Variants in FLNC observed in about 807,000 individuals in gnomAD.
FLNC encodes the protein filamin C, also known as filamin-C.
Under a neutral mutation model 254.3 loss-of-function variants are expected in FLNC, and 91 were observed. The observed-to-expected ratio is 0.36, with a 90% CI of 0.30 to 0.43. The LOEUF (loss-of-function observed/expected upper bound fraction) is 0.43, where lower values mean the gene tolerates loss of function less well. FLNC is among the 20% of genes least tolerant of loss of function. The pLI is 1.00. For synonymous variants in FLNC, 1,430 were observed against 1,577.2 expected (o/e 0.91, Z 2.21); for missense variants, 2,853 against 3,802.6 (o/e 0.75, Z 6.57).
intron 18 of FLNC, 77 bp from the exon 19 acceptor site, chr7:128,843,719 C>T: frequency 2.7e-6 from 4 of 1,506,906 alleles, no homozygotes; most frequent in Non-Finnish European, 3.7e-6. Flanking sequence ...ATCTGAGCTT[C>T]AGAGCCCATA....
chr7:128,831,796 G>T (rs969738750), intron 1 of FLNC, among the ~76,000 whole-genome samples: 1 of 151,850 alleles, frequency 6.6e-6, no homozygotes, highest in Non-Finnish European at 1.5e-5. Context: ...TTTGGAAGGT[G>T]TGTAGTGCAG....
Position 128,849,491 on chromosome 7 carries a change from C to T in FLNC, c.5112C>T (p.Ile1704=). Residue 1704 remains isoleucine, a synonymous_variant, in exon 30 of 48, where the codon ATC becomes ATT. Coordinates refer to ENST00000325888, the MANE Select transcript of FLNC (RefSeq NM_001458.5). ...AGAACCATGACGGTACCTTTGACAT[C>T]TACTACACAGCGCCCGAGCCGGGCA... ...VVENHDGTFD[I]YYTAPEPGKY... The T allele has an allele frequency of 1.2e-6, 2 of 1,614,224 alleles. No homozygotes were observed.
chr7:128,850,089 AC>A lies in FLNC; in HGVS notation c.5298+17del. Reference sequence around the variant, plus strand: ...CCACACACTGGGTACTGCGCCTCCCACCAGGCGATGTCCTCCTCCTCCTCCC... The same window carrying A: ...CCACACACTGGGTACTGCGCCTCCCACAGGCGATGTCCTCCTCCTCCTCCC... On this transcript the variant is annotated intron_variant, in intron 31 of 47. Coordinates refer to ENST00000325888, the MANE Select transcript of FLNC (RefSeq NM_001458.5). 6.6e-7 allele frequency: 1 copy of A among 1,508,506 alleles called. No homozygotes were observed. Among genetic ancestry groups the A allele is most frequent in the Non-Finnish European group, 8.9e-7 (1 of 1,120,170 alleles). 93.4% of individuals were successfully genotyped at this position (1,508,506 alleles called of 1,614,324 possible).
At chr7:128,845,698 C>T (rs1389209656) in intron 21 of FLNC, among the ~76,000 whole-genome samples, 1 of 151,972 alleles carries the variant, frequency 6.6e-6, no homozygotes. Flanking sequence ...GACCCAGGCC[C>T]ACAGCCTGGT....
chr7:128,831,083 G>C, intron 1 of FLNC, 94 bp downstream of exon 1: 2 of 1,222,838 alleles, frequency 1.6e-6, no homozygotes, highest in Non-Finnish European at 1.1e-6. Context: ...GGGGAGCTGA[G>C]AGACAGGGCG....
chr7:128,855,095 G>A (rs942995334), intron 42 of FLNC, 104 bp from the exon 43 acceptor site: 45 of 1,075,706 alleles, frequency 4.2e-5, no homozygotes, highest in Non-Finnish European at 6.0e-5. Flanking sequence ...CTCCAGATCT[G>A]AGCGCTGACC....
rs962050311 is a variant in FLNC at position 128,843,259 on chromosome 7, G to A, written c.2581G>A (p.Val861Met). Reference protein sequence around the residue: ...EIPASPFHIKVDPSHDASKVK... With the variant: ...EIPASPFHIKMDPSHDASKVK... The stretch of plus-strand genomic sequence containing the variant: ...CCCCGCCAGCCCCTTCCACATCAAG[G>A]TGGACCCATCCCACGATGCCAGCAA... Residue 861 changes from valine to methionine, a missense_variant, in exon 17 of 48, where the codon GTG becomes ATG. Coordinates refer to ENST00000325888, the MANE Select transcript of FLNC (RefSeq NM_001458.5). 2 of 1,609,472 alleles carry A rather than the reference G, an allele frequency of 1.2e-6. No individual in the cohort carries two copies. Among genetic ancestry groups the A allele is most frequent in the African/African-American group, 1.3e-5 (1 of 74,850 alleles).
chr7:128,855,063 A>G (rs1056034983), intron 42 of FLNC, 136 bp from the exon 43 acceptor site: 2 of 1,042,088 alleles, frequency 1.9e-6, no homozygotes, highest in South Asian at 2.5e-5. Flanking sequence ...TCTACCCCAC[A>G]CCCTCAGAAA....
Position 128,838,798 on chromosome 7 carries a change from C to G in FLNC, c.1406C>G (p.Ser469Trp). The change falls in exon 8 of 48, where the codon TCG becomes TGG. Residue 469 changes from serine (S) to tryptophan (W), a missense_variant. Ser to Trp is a radical substitution (Grantham distance 177, BLOSUM62 -3). Transcript: ENST00000325888. The stretch of plus-strand genomic sequence containing the variant: ...CGCAGTCCCTTCCCTGTCCATGTGT[C>G]GGAAGGTAAGGGCCCTTCACTGCTC... ...ITRSPFPVHV[S>W]EACNPNACRA... 1 of 1,612,548 alleles carries G rather than the reference C, an allele frequency of 6.2e-7. No homozygotes were observed. The highest frequency in any genetic ancestry group is 8.5e-7 in the Non-Finnish European group (1 of 1,179,730).
Position 128,847,929 on chromosome 7 carries a change from T to C in FLNC, c.4457-16T>C. On this transcript the variant is annotated splice_polypyrimidine_tract_variant and intron_variant, in intron 25 of 47. Transcript: ENST00000325888. ...GGACGCCCGGAGGCTCTGCTGACCC[T>C]GTGCCCCTTGCCCAGGTGTGGCCGA... 6.2e-7 allele frequency: 1 copy of C among 1,613,734 alleles called. No individual in the cohort carries two copies. Among genetic ancestry groups the C allele is most frequent in the Non-Finnish European group, 8.5e-7 (1 of 1,179,822 alleles).
In FLNC at chr7:128,841,369, G is replaced by A. The variant is rs757293841; in HGVS notation, c.2007+6G>A. 2 of 1,613,882 alleles carry A rather than the reference G, an allele frequency of 1.2e-6. No homozygotes were observed. Among genetic ancestry groups the A allele is most frequent in the Non-Finnish European group, 1.7e-6 (2 of 1,179,928 alleles). On this transcript the variant is annotated splice_donor_region_variant and intron_variant, in intron 12 of 47. Transcript: ENST00000325888. This position sits in a 1 kb window ranked among gnomAD's most constrained non-coding sequence, Gnocchi z 4.3. ...CTGACTGCTTCCCAGATAAGGTGTG[G>A]TCCCAGCTCACACACACCTGCCCCG...
chr7:128,833,597 C>T (rs1031919719), intron 1 of FLNC, among the ~76,000 whole-genome samples: 15 of 148,168 alleles, frequency 1.0e-4, no homozygotes, highest in African/African-American at 3.6e-4. Context: ...ATATGAATGA[C>T]CACCCTCCCC....
chr7:128,851,649 T>C (rs1194488611), intron 35 of FLNC, 21 bp downstream of exon 35: 2 of 1,611,714 alleles, frequency 1.2e-6, no homozygotes, highest in African/African-American at 2.7e-5. Flanking sequence ...TGTATGGGCA[T>C]GTACAGCCCA....
Position 128,842,565 on chromosome 7 carries a change from C to T in FLNC, c.2266-10C>T. On this transcript the variant is annotated splice_polypyrimidine_tract_variant and intron_variant, in intron 14 of 47. Transcript: ENST00000325888. The surrounding 1 kb of genome is among the most constrained non-coding windows in gnomAD (Gnocchi z 5.4). ...GAGGGCACCACGCTGAGCTGCGACC[C>T]CTCCCGCAGGTGAACGTGGGCGAGG... 6.5e-7 allele frequency: 1 copy of T among 1,548,810 alleles called. No individual in the cohort carries two copies. Among genetic ancestry groups the T allele is most frequent in the Non-Finnish European group, 8.7e-7 (1 of 1,146,718 alleles).
In FLNC at chr7:128,857,793, G is replaced by A. The variant is rs560668842; in HGVS notation, c.7781-215G>A. Among the ~76,000 whole-genome samples, 2 of 152,292 alleles carry A rather than the reference G, an allele frequency of 1.3e-5. No individual in the cohort carries two copies. The highest frequency in any genetic ancestry group is 2.1e-4 in the South Asian group (1 of 4,830). ...GAGGGACGCAGCATCTGAGGCCCCA[G>A]CCCTAGGGTGGAGCACCAGTTGGAG... On this transcript the variant is annotated intron_variant, in intron 46 of 47. Coordinates refer to ENST00000325888, the MANE Select transcript of FLNC (RefSeq NM_001458.5). This position sits in a 1 kb window ranked among gnomAD's most constrained non-coding sequence, Gnocchi z 4.5.
chr7:128,842,599 C>G lies in FLNC; in HGVS notation c.2290C>G (p.Pro764Ala). The change falls in exon 15 of 48, where the codon CCC becomes GCC. Residue 764 changes from proline (P) to alanine (A), a missense_variant. By Grantham distance (27) the Pro-to-Ala change is conservative (BLOSUM62 -1). This residue lies in a region of FLNC where 1,573 missense variants were observed against 1,883.5 expected (regional missense o/e 0.84). Transcript: ENST00000325888. This position sits in a 1 kb window ranked among gnomAD's most constrained non-coding sequence, Gnocchi z 5.4. Reference protein sequence around the residue: ...FRVNVGEGSHPERVKVYGPGV... With the variant: ...FRVNVGEGSHAERVKVYGPGV... ...GGTGAACGTGGGCGAGGGCAGCCACCCCGAGCGGGTAAAGGTGTACGGCCC... is the reference window on the plus strand; with the variant it reads ...GGTGAACGTGGGCGAGGGCAGCCACGCCGAGCGGGTAAAGGTGTACGGCCC... The G allele has an allele frequency of 6.5e-7, 1 of 1,549,694 alleles. No homozygotes were observed. Among genetic ancestry groups the G allele is most frequent in the Non-Finnish European group, 8.7e-7 (1 of 1,146,996 alleles).
In FLNC at chr7:128,841,613, G is replaced by A. The variant is rs1338280386; in HGVS notation, c.2121+46G>A. 2 of 1,466,180 alleles carry A rather than the reference G, an allele frequency of 1.4e-6. No homozygotes were observed. The highest frequency in any genetic ancestry group is 3.3e-5 in the Admixed American group (2 of 59,808). The allele number at this position is 1,466,180 out of a possible 1,614,324, so 90.8% of individuals were successfully genotyped here. ...TGCTGCCCTTACTACCCATGGCAGG[G>A]ACCCTGGAAGGCAGGGCCAGGCCAG... On this transcript the variant is annotated intron_variant, in intron 13 of 47. Transcript: ENST00000325888. This position sits in a 1 kb window ranked among gnomAD's most constrained non-coding sequence, Gnocchi z 4.3.
In FLNC at chr7:128,835,276, C is replaced by T. The variant is rs762689498; in HGVS notation, c.353-50C>T. 1.9e-6 allele frequency: 3 copies of T among 1,610,746 alleles called. No homozygotes were observed. The highest frequency in any genetic ancestry group is 3.3e-5 in the Admixed American group (2 of 60,022). On this transcript the variant is annotated intron_variant, in intron 1 of 47. Transcript: ENST00000325888. This position sits in a 1 kb window ranked among gnomAD's most constrained non-coding sequence, Gnocchi z 5.3. ...GCAGGTGAGGGAGGGTGCTCTGGGG[C>T]AGTGGAGGGTGGGGCGCCCCTGAGC...
In FLNC at chr7:128,857,091, C is replaced by A; in HGVS notation, c.7562-27C>A. ...TCTTGGGCCACAAGCCCTTCCTGCCCTCAGCCTTGCTACCTCTGGCCCCCA... is the reference window on the plus strand; with the variant it reads ...TCTTGGGCCACAAGCCCTTCCTGCCATCAGCCTTGCTACCTCTGGCCCCCA... On this transcript the variant is annotated intron_variant, in intron 45 of 47. Coordinates refer to ENST00000325888, the MANE Select transcript of FLNC (RefSeq NM_001458.5). The surrounding 1 kb of genome is among the most constrained non-coding windows in gnomAD (Gnocchi z 4.5). 1 of 1,609,942 alleles carries A rather than the reference C, an allele frequency of 6.2e-7. No individual in the cohort carries two copies. The highest frequency in any genetic ancestry group is 1.1e-5 in the South Asian group (1 of 90,980).
Sources: allele counts gnomAD v4.1 joint callset (sites outside exome capture counted in the v4.1 genomes callset), GRCh38; gene constraint gnomAD v4.1.1; regional missense constraint gnomAD v4.1.1; non-coding constraint Gnocchi (gnomAD v3.1); transcripts MANE v1.5; gene names NCBI Gene and HGNC (gene_info 2026-07-23, HGNC 2026-07-21).